Variants in WDR89 observed in about 807,000 individuals in gnomAD.
WDR89 encodes WD repeat domain 89.
Under a neutral mutation model 29.1 loss-of-function variants are expected in WDR89, and 17 were observed. The observed-to-expected ratio is 0.58, with a 90% CI of 0.40 to 0.88. The LOEUF (loss-of-function observed/expected upper bound fraction) is 0.88. WDR89 is among the 40% of genes least tolerant of loss of function. The probability of loss-of-function intolerance (pLI) is 0.00; values close to 1 mark genes in which losing one functional copy is unlikely to be tolerated. For missense variants in WDR89, 396 were observed against 456.3 expected, an observed-to-expected ratio of 0.87 and a Z score of 1.20; for synonymous variants, 138 against 157.8, an observed-to-expected ratio of 0.87 and a Z score of 0.94.
At chr14:63,605,166 C>CTATA (rs112149490) in intron 2 of WDR89, among the ~76,000 whole-genome samples, 54 of 143,996 alleles carry the variant, frequency 3.8e-4, no homozygotes, top group Non-Finnish European at 7.2e-4. Flanking sequence ...CTCTCTCTCT[C>CTATA]TATATATATA....
chr14:63,613,322 G>GA (rs33980365), intron 2 of WDR89, among the ~76,000 whole-genome samples: 3 of 151,824 alleles, frequency 2.0e-5, no homozygotes, highest in Admixed American at 6.6e-5. Context: ...GGACAAGTGA[G>GA]AAAAAAACCC....
intron 2 of WDR89, among the ~76,000 whole-genome samples, chr14:63,608,666 G>GCACATGCACACACA (rs1881753562): frequency 6.9e-6 from 1 of 144,670 alleles, no homozygotes; most frequent in African/African-American, 2.5e-5. Flanking sequence ...TGTGGTGCAT[G>GCACATGCACACACA]CACACACACA....
At chr14:63,613,289 G>A (rs932665411) in intron 2 of WDR89, among the ~76,000 whole-genome samples, 1 of 151,862 alleles carries the variant, frequency 6.6e-6, no homozygotes, top group Non-Finnish European at 1.5e-5. Context: ...GCTTGCAGAG[G>A]TGGCATCCTG....
intron 2 of WDR89, among the ~76,000 whole-genome samples, chr14:63,620,721 C>G (rs1882642983): frequency 6.6e-6 from 1 of 151,656 alleles, no homozygotes. Flanking sequence ...CCCATCTCTA[C>G]TAAAAATAAA....
At chr14:63,630,348 A>G (rs1883316238) in intron 1 of WDR89, among the ~76,000 whole-genome samples, 1 of 151,940 alleles carries the variant, frequency 6.6e-6, no homozygotes, top group Admixed American at 6.6e-5. Context: ...GCCATTAAAA[A>G]GTCCAGACAA....
intron 2 of WDR89, among the ~76,000 whole-genome samples, chr14:63,603,468 C>T (rs1388806964): frequency 6.6e-6 from 1 of 152,158 alleles, no homozygotes; most frequent in East Asian, 1.9e-4. Flanking sequence ...TATTAATTGT[C>T]CTTGCCTAAA....
At chr14:63,601,900 T>C (rs1895081860) in intron 2 of WDR89, 1 of 535,214 alleles carries the variant, frequency 1.9e-6, no homozygotes, top group Admixed American at 3.1e-5. Flanking sequence ...ATAATTTCCA[T>C]ATTTCTCTTT....
At chr14:63,603,148 C>T (rs916630217) in intron 2 of WDR89, among the ~76,000 whole-genome samples, 1 of 152,078 alleles carries the variant, frequency 6.6e-6, no homozygotes, top group African/African-American at 2.4e-5. Flanking sequence ...GATGGCATCA[C>T]AGCTCATTAA....
At chr14:63,615,357 C>G (rs561868797) in intron 2 of WDR89, among the ~76,000 whole-genome samples, 8 of 152,168 alleles carry the variant, frequency 5.3e-5, no homozygotes. Context: ...CAGTTAGAAG[C>G]AATTCGGAAT....
At chr14:63,615,516 G>T (rs1882244868) in intron 2 of WDR89, among the ~76,000 whole-genome samples, 1 of 152,220 alleles carries the variant, frequency 6.6e-6, no homozygotes, top group Non-Finnish European at 1.5e-5. Context: ...GTTACAGAAT[G>T]ATGTTAACAT....
At chr14:63,628,059 G>T (rs543456783) in intron 1 of WDR89, among the ~76,000 whole-genome samples, 2 of 152,240 alleles carry the variant, frequency 1.3e-5, no homozygotes, top group African/African-American at 2.4e-5. Flanking sequence ...AACATAGCGA[G>T]ATTCCATTCT....
chr14:63,601,556 G>A (rs1434892102), intron 2 of WDR89: 1 of 1,588,530 alleles, frequency 6.3e-7, no homozygotes, highest in African/African-American at 1.3e-5. Context: ...ACCGAGTATT[G>A]GTTGAAAGGA....
intron 1 of WDR89, among the ~76,000 whole-genome samples, chr14:63,635,329 C>G (rs553234206): frequency 1.3e-5 from 2 of 152,276 alleles, no homozygotes; most frequent in African/African-American, 4.8e-5. Context: ...TTAACATACA[C>G]AAGTCAATAA....
intron 1 of WDR89, 124 bp from the exon 2 acceptor site, chr14:63,625,157 T>C (rs1313594850): frequency 1.3e-5 from 2 of 152,022 alleles, no homozygotes; most frequent in South Asian, 2.1e-4. Context: ...ACATATATAA[T>C]GGAATCTGAC....
chr14:63,632,948 T>C (rs1173638858), intron 1 of WDR89, among the ~76,000 whole-genome samples: 3 of 152,194 alleles, frequency 2.0e-5, no homozygotes, highest in Non-Finnish European at 2.9e-5. Flanking sequence ...TATTGCATGA[T>C]AGCTGAGAAT....
intron 2 of WDR89, among the ~76,000 whole-genome samples, chr14:63,613,256 T>C (rs1447838584): frequency 1.3e-5 from 2 of 152,238 alleles, no homozygotes; most frequent in Admixed American, 6.5e-5. Flanking sequence ...ATCTGAAACA[T>C]GTAGTTTTAA....
At chr14:63,618,518 A>C (rs1882462247) in intron 2 of WDR89, among the ~76,000 whole-genome samples, 1 of 152,180 alleles carries the variant, frequency 6.6e-6, no homozygotes, top group African/African-American at 2.4e-5. Context: ...GAAATTAAGA[A>C]TAAGAAAGCA....
At chr14:63,630,199 C>T (rs1434440398) in intron 1 of WDR89, among the ~76,000 whole-genome samples, 2 of 151,534 alleles carry the variant, frequency 1.3e-5, no homozygotes, top group African/African-American at 2.4e-5. Flanking sequence ...CCACCTGCCT[C>T]GGCCTCCCAA....
At chr14:63,639,357 CAAAAA>C (rs777712423) in intron 1 of WDR89, among the ~76,000 whole-genome samples, 1 of 64,696 alleles carries the variant, frequency 1.5e-5, no homozygotes, top group Admixed American at 1.9e-4. Context: ...TCATCTCTAC[CAAAAA>C]AAAAAAAAAA....
Sources: allele counts gnomAD v4.1 joint callset (sites outside exome capture counted in the v4.1 genomes callset), GRCh38; gene constraint gnomAD v4.1.1; transcripts MANE v1.5; gene names NCBI Gene and HGNC (gene_info 2026-07-23, HGNC 2026-07-21).